AOPEP: variants seen among roughly 807,000 people sequenced by gnomAD.
The protein encoded by AOPEP is aminopeptidase O.
AOPEP carries 77 observed loss-of-function variants against 98.1 expected under a neutral mutation model. The ratio of observed to expected loss-of-function variants is 0.78; its 90% CI spans 0.65 to 0.95. The LOEUF is 0.95. AOPEP is among the 40% of genes least tolerant of loss of function. The pLI is 0.00. For synonymous variants in AOPEP, 346 were observed against 365.3 expected (o/e 0.95, Z 0.60); for missense variants, 1,024 against 1,024.7 (o/e 1.00, Z 0.01).
At position 94,797,721 on chromosome 9, in the gene AOPEP, T is replaced by G. The variant is rs1323707021; in HGVS notation, c.1119-3036T>G. Among the ~76,000 whole-genome samples, 6 of 139,912 alleles carry G rather than the reference T, an allele frequency of 4.3e-5. No homozygotes were observed. The East Asian group carries it at 8.1e-4, about 19-fold the overall frequency. The allele number at this position is 139,912 out of a possible 152,430, so 91.8% of individuals were successfully genotyped here. ...CTCATACCTTTTTTTTTTTTTTTTTTGAGACAGAGTCATGCTTTGTTGCCC... is the reference window on the plus strand; with the variant it reads ...CTCATACCTTTTTTTTTTTTTTTTTGGAGACAGAGTCATGCTTTGTTGCCC... On this transcript the variant is annotated intron_variant, in intron 4 of 16. Transcript: ENST00000375315.
intron 1 of AOPEP, among the ~76,000 whole-genome samples, chr9:94,754,456 T>A (rs1836539332): frequency 6.6e-6 from 1 of 152,140 alleles, no homozygotes; most frequent in South Asian, 2.1e-4. Flanking sequence ...TTCCCCCAGT[T>A]GCTTACAAGT....
At chr9:95,092,913 C>G in the AOPEP span, among the ~76,000 whole-genome samples, 1 of 152,198 alleles carries the variant, frequency 6.6e-6, no homozygotes, top group Non-Finnish European at 1.5e-5. Context: ...CCTGAGGTTT[C>G]TGCATTCTGA....
chr9:95,085,175 C>T (rs1282487655), intron 16 of AOPEP: 1 of 455,112 alleles, frequency 2.2e-6, no homozygotes, highest in Non-Finnish European at 4.7e-6. Flanking sequence ...CGCGGAAGCC[C>T]AGTGTGTGCA....
chr9:94,760,870 C>T (rs774043341), intron 2 of AOPEP: 8 of 266,344 alleles, frequency 3.0e-5, no homozygotes, highest in Non-Finnish European at 5.7e-5. Flanking sequence ...GCCTCGCTCT[C>T]CATTGAGATC....
chr9:94,879,979 T>C (rs1012184503), intron 5 of AOPEP, among the ~76,000 whole-genome samples: 2 of 152,262 alleles, frequency 1.3e-5, no homozygotes, highest in Non-Finnish European at 2.9e-5. Context: ...ACGCTTAACA[T>C]TGAATTTACA....
intron 5 of AOPEP, among the ~76,000 whole-genome samples, chr9:94,858,476 A>T (rs1327537108): frequency 1.3e-5 from 2 of 152,202 alleles, no homozygotes; most frequent in African/African-American, 4.8e-5. Flanking sequence ...CAGCAGGGCC[A>T]CACTCCCTCC....
intron 5 of AOPEP, among the ~76,000 whole-genome samples, chr9:94,862,378 GT>G (rs59967067): frequency 0.84 from 127,298 of 152,060 alleles, 55,250 homozygotes; most frequent in Non-Finnish European, 0.94. Context: ...TCTCTCAGAT[GT>G]GGGGTGAATG....
At chr9:95,099,564 G>A in the AOPEP span, 2 of 231,034 alleles carry the variant, frequency 8.7e-6, no homozygotes, top group South Asian at 3.7e-4. Context: ...TGTCTTGGAG[G>A]TGGAGGGAAT....
intron 9 of AOPEP, among the ~76,000 whole-genome samples, chr9:94,960,988 TG>T (rs1213303532): frequency 2.1e-5 from 3 of 140,932 alleles, no homozygotes; most frequent in Non-Finnish European, 3.0e-5. Flanking sequence ...CACTCCGGCC[TG>T]GGCGACAGAG....
At chr9:94,895,224 AAAAAT>A (rs1450259292) in intron 5 of AOPEP, among the ~76,000 whole-genome samples, 2 of 44,144 alleles carry the variant, frequency 4.5e-5, no homozygotes, top group African/African-American at 1.2e-4. Context: ...TCTACTAAAA[AAAAAT>A]AAAATAAAAT....
intron 5 of AOPEP, among the ~76,000 whole-genome samples, chr9:94,826,507 G>A (rs1477685514): frequency 1.3e-5 from 2 of 152,180 alleles, no homozygotes; most frequent in African/African-American, 4.8e-5. Flanking sequence ...TCTTCAGCTC[G>A]GTGGCATTTG....
In AOPEP at chr9:95,087,023, A is replaced by G. The variant is rs1430708638; in HGVS notation, c.*346A>G. 1.6e-5 allele frequency: 13 copies of G among 817,998 alleles called. No homozygotes were observed. The East Asian group carries it at 8.7e-4, about 55-fold the overall frequency. 50.7% of individuals were successfully genotyped at this position (817,998 alleles called of 1,614,324 possible). A position where few individuals can be genotyped will look rare whatever the true frequency, so the allele number is the denominator to read the frequency against. ...CATTTTACATTGGTCTGCTCAGCAC[A>G]TGGCTGGATGCGGATATTTCTATAA... is the stretch of plus-strand genomic sequence containing the variant. On this transcript the variant is annotated 3_prime_UTR_variant, in exon 17 of 17. Transcript: ENST00000375315.
At chr9:94,770,073 G>A (rs1401953684) in intron 2 of AOPEP, among the ~76,000 whole-genome samples, 1 of 152,170 alleles carries the variant, frequency 6.6e-6, no homozygotes, top group East Asian at 1.9e-4. Context: ...TCTGATTTCA[G>A]ACATTTGAAC....
the AOPEP span, among the ~76,000 whole-genome samples, chr9:95,145,913 G>C: frequency 6.6e-6 from 1 of 151,892 alleles, no homozygotes; most frequent in Admixed American, 6.6e-5. Context: ...GATTGAAAGA[G>C]ACTTAAAAGA....
At chr9:95,020,291 G>C (rs2063341091) in intron 13 of AOPEP, 1 of 152,242 alleles carries the variant, frequency 6.6e-6, no homozygotes, top group African/African-American at 2.4e-5. Context: ...GACACTGAGG[G>C]AGACAGGGAA....
chr9:94,805,181 T>C (rs1848981478), intron 5 of AOPEP, among the ~76,000 whole-genome samples: 1 of 152,150 alleles, frequency 6.6e-6, no homozygotes, highest in African/African-American at 2.4e-5. Context: ...TTTTTTTTTT[T>C]TTCTTGGGAC....
At chr9:95,073,609 C>T (rs2068735017) in intron 14 of AOPEP, among the ~76,000 whole-genome samples, 2 of 152,130 alleles carry the variant, frequency 1.3e-5, no homozygotes, top group South Asian at 2.1e-4. Context: ...GTAATGCCAC[C>T]ACTTTGGGAG....
the AOPEP span, among the ~76,000 whole-genome samples, chr9:95,097,580 C>G: frequency 2.0e-5 from 3 of 152,240 alleles, no homozygotes; most frequent in Non-Finnish European, 1.5e-5. Context: ...CCGGCTCACA[C>G]CAGGCCTCAT....
chr9:94,805,145 G>A (rs1157667052), intron 5 of AOPEP, among the ~76,000 whole-genome samples: 3 of 152,144 alleles, frequency 2.0e-5, no homozygotes, highest in Non-Finnish European at 4.4e-5. Context: ...ATTCTAGGCA[G>A]ACGGGTTATG....
Sources: gnomAD v4.1 joint callset for allele counts (sites outside exome capture counted in the v4.1 genomes callset) on GRCh38, gnomAD v4.1.1 for gene constraint, MANE v1.5 for transcripts, NCBI Gene and HGNC (gene_info 2026-07-23, HGNC 2026-07-21) for gene names.